NTRK3: variants seen among roughly 807,000 people sequenced by gnomAD.
NTRK3 encodes neurotrophic receptor tyrosine kinase 3.
In NTRK3, 24 loss-of-function variants were observed where a neutral mutation model predicts 91.7. That is an observed-to-expected ratio of 0.26 (90% CI 0.19 to 0.37). The LOEUF (loss-of-function observed/expected upper bound fraction) is 0.37. Among genes scored for constraint, NTRK3 ranks in the 10% least tolerant of loss-of-function variants. The pLI, the probability that NTRK3 is intolerant of heterozygous loss-of-function variation, is 1.00. For synonymous variants in NTRK3, 483 were observed against 404.0 expected (o/e 1.20, Z -2.34); for missense variants, 880 against 1,068.9 (o/e 0.82, Z 2.46).
chr15:87,948,207 G>A (rs1464068434), intron 14 of NTRK3, among the ~76,000 whole-genome samples: 1 of 152,232 alleles, frequency 6.6e-6, no homozygotes, highest in Non-Finnish European at 1.5e-5. Context: ...GGACAGAAGA[G>A]TAGAGCATGG....
chr15:88,066,157 T>C (rs2046633793), intron 13 of NTRK3, among the ~76,000 whole-genome samples: 1 of 152,230 alleles, frequency 6.6e-6, no homozygotes, highest in African/African-American at 2.4e-5. Flanking sequence ...TCTCTGATGA[T>C]AAAGACCTTG....
chr15:87,931,013 C>A, intron 16 of NTRK3: 1 of 320,478 alleles, frequency 3.1e-6, no homozygotes, highest in Non-Finnish European at 6.1e-6. Context: ...AAGGCACTGG[C>A]ACTGCCCCTC....
intron 13 of NTRK3, among the ~76,000 whole-genome samples, chr15:88,109,600 T>C (rs536954771): frequency 3.9e-5 from 6 of 152,170 alleles, no homozygotes; most frequent in Admixed American, 3.9e-4. Context: ...TCCTTTAAAG[T>C]TCCAAGATAT....
intron 3 of NTRK3, among the ~76,000 whole-genome samples, chr15:88,204,987 G>A (rs1022357693): frequency 6.6e-6 from 1 of 152,204 alleles, no homozygotes; most frequent in South Asian, 2.1e-4. Flanking sequence ...GCGTTTCTGA[G>A]ATTCTTGTTA....
At chr15:87,877,810 A>G (rs2141445728) in intron 18 of NTRK3, among the ~76,000 whole-genome samples, 1 of 152,132 alleles carries the variant, frequency 6.6e-6, no homozygotes, top group Admixed American at 6.5e-5. Flanking sequence ...TCAGGATCTC[A>G]GCATGTCCAT....
At chr15:87,898,038 G>A (rs1416214250) in intron 17 of NTRK3, among the ~76,000 whole-genome samples, 1 of 152,216 alleles carries the variant, frequency 6.6e-6, no homozygotes, top group East Asian at 1.9e-4. Context: ...AAGTGAAACA[G>A]AGGCATGGCA....
chr15:87,960,256 T>C (rs1056416080), intron 14 of NTRK3, among the ~76,000 whole-genome samples: 1 of 152,120 alleles, frequency 6.6e-6, no homozygotes, highest in African/African-American at 2.4e-5. Flanking sequence ...AGGAAGAAAT[T>C]CCCTTATTTC....
chr15:88,033,217 A>ATATATATATAT (rs2078753442), intron 13 of NTRK3, among the ~76,000 whole-genome samples, 172 bp from the exon 14 acceptor site: 5 of 49,700 alleles, frequency 1.0e-4, no homozygotes, highest in South Asian at 6.0e-4. Context: ...TATATATATA[A>ATATATATATAT]ATTCAGTTGT....
At chr15:88,253,175 CA>C (rs1285125418) in intron 3 of NTRK3, 11 of 152,234 alleles carry the variant, frequency 7.2e-5, no homozygotes, top group Admixed American at 4.6e-4. Context: ...AGCTTCAGGC[CA>C]GTAGGGAGCT....
chr15:88,223,650 C>A (rs775818611), intron 3 of NTRK3, among the ~76,000 whole-genome samples: 2 of 152,182 alleles, frequency 1.3e-5, no homozygotes, highest in Non-Finnish European at 1.5e-5. Flanking sequence ...AAGTACTCAA[C>A]CTTTTGGGGT....
rs571287877 is a variant in NTRK3, at chr15:88,206,454, G to A, written c.249-22155C>T. Among the ~76,000 whole-genome samples, 27 of 148,376 alleles carry A rather than the reference G, an allele frequency of 1.8e-4. No homozygotes were observed. In the South Asian group the frequency reaches 5.6e-3, roughly 31 times the overall value. ...CGGGCGGATCACGAGGTCAGGAGAT[G>A]GAGACCATCCTGGCTAACACGGTGA... On this transcript the variant is annotated intron_variant, in intron 3 of 18. Coordinates refer to ENST00000394480, the Ensembl canonical transcript of NTRK3.
chr15:87,870,429 AGGGGGAAAGTGTG>A (rs1280320612), exon 19 of NTRK3: 1 of 205,208 alleles, frequency 4.9e-6, no homozygotes, highest in African/African-American at 2.3e-5. Context: ...CTGCGGACTC[AGGGGGAAAGTGTG>A]GGAAGGGAGT....
At chr15:87,896,759 A>C (rs2141613584) in intron 17 of NTRK3, among the ~76,000 whole-genome samples, 1 of 152,248 alleles carries the variant, frequency 6.6e-6, no homozygotes, top group South Asian at 2.1e-4. Context: ...TGGAAACCCC[A>C]CAGATGAAAG....
chr15:88,234,832 C>G lies in NTRK3; in HGVS notation c.248+21074G>C, dbSNP rs1349015319. Among the ~76,000 whole-genome samples the G allele has an allele frequency of 6.6e-6, 1 of 152,150 alleles. No homozygotes were observed. The highest frequency in any genetic ancestry group is 1.5e-5 in the Non-Finnish European group (1 of 68,028). On this transcript the variant is annotated intron_variant, in intron 3 of 18. Transcript: ENST00000394480. This position sits in a 1 kb window ranked among gnomAD's most constrained non-coding sequence, Gnocchi z 6.1. ...TGCATGACCCTGCTTGATCTAGTCCCTGCAGACCTCTCCAACCTCCCACTC... is the reference window on the plus strand; with the variant it reads ...TGCATGACCCTGCTTGATCTAGTCCGTGCAGACCTCTCCAACCTCCCACTC...
intron 13 of NTRK3, among the ~76,000 whole-genome samples, chr15:88,050,372 T>A (rs1266858540): frequency 1.3e-5 from 2 of 152,172 alleles, no homozygotes; most frequent in African/African-American, 4.8e-5. Flanking sequence ...TAGGTACCAT[T>A]CCCATCTTGG....
At chr15:88,037,880 C>T (rs764012893) in intron 13 of NTRK3, among the ~76,000 whole-genome samples, 6 of 152,208 alleles carry the variant, frequency 3.9e-5, no homozygotes, top group South Asian at 2.1e-4. Context: ...ATTTTAAAGA[C>T]GGGGGCATTA....
rs560459425 is a variant in NTRK3, at chr15:87,935,135, T to C, written c.1717-1951A>G. ...CCCAGCACACCTGCCTGAATTAATT[T>C]ATGGGATAAATTAGTCACTAGGCAG... is the stretch of plus-strand genomic sequence containing the variant. On this transcript the variant is annotated intron_variant, in intron 15 of 18. Transcript: ENST00000394480. Among the ~76,000 whole-genome samples the C allele has an allele frequency of 5.3e-5, 8 of 152,220 alleles. No homozygotes were observed. The East Asian group carries it at 1.4e-3, about 26-fold the overall frequency.
chr15:88,020,823 C>CCTCT (rs2077545093), intron 14 of NTRK3, among the ~76,000 whole-genome samples: 1 of 152,194 alleles, frequency 6.6e-6, no homozygotes, highest in African/African-American at 2.4e-5. Context: ...CCCCCTAGTT[C>CCTCT]AGCTCATTCT....
chr15:88,248,430 A>G (rs2053046527), intron 3 of NTRK3, among the ~76,000 whole-genome samples: 1 of 152,190 alleles, frequency 6.6e-6, no homozygotes, highest in Non-Finnish European at 1.5e-5. Flanking sequence ...ACTCCCACCC[A>G]AGTAACTGAA....
Sources: gnomAD v4.1 joint callset for allele counts (sites outside exome capture counted in the v4.1 genomes callset) on GRCh38, gnomAD v4.1.1 for gene constraint, Gnocchi (gnomAD v3.1) non-coding constraint, MANE v1.5 for transcripts, NCBI Gene and HGNC (gene_info 2026-07-23, HGNC 2026-07-21) for gene names.